The following RASEF variants were observed in gnomAD, a reference collection of about 807,000 sequenced individuals.
RASEF encodes the protein RAS and EF-hand domain containing, also known as ras and EF-hand domain-containing protein.
A neutral mutation model predicts 90.1 loss-of-function variants in RASEF; 68 were observed. The ratio of observed to expected loss-of-function variants is 0.75; its 90% confidence interval spans 0.62 to 0.92. The LOEUF is 0.92. Among genes scored for constraint, RASEF ranks in the 40% least tolerant of loss-of-function variants. The probability of loss-of-function intolerance (pLI) is 0.00; values close to 1 mark genes in which losing one functional copy is unlikely to be tolerated. For synonymous variants in RASEF, 331 were observed against 345.2 expected (o/e 0.96, Z 0.46); for missense variants, 949 against 937.2 (o/e 1.01, Z -0.16).
chr9:83,144,467 A>G, the RASEF span, among the ~76,000 whole-genome samples: 2 of 105,654 alleles, frequency 1.9e-5, no homozygotes, highest in Non-Finnish European at 4.7e-5. Flanking sequence ...GAGAAGAGAA[A>G]AGAAAAGAAG....
chr9:83,049,528 CCT>C (rs1491479439), intron 1 of RASEF, among the ~76,000 whole-genome samples: 4 of 73,520 alleles, frequency 5.4e-5, no homozygotes, highest in East Asian at 4.4e-4. Flanking sequence ...TTTCTGCCTT[CCT>C]TTTTTTTTTT....
the RASEF span, among the ~76,000 whole-genome samples, chr9:83,188,115 C>G: frequency 6.6e-6 from 1 of 152,236 alleles, no homozygotes; most frequent in Non-Finnish European, 1.5e-5. Flanking sequence ...ACTTGTGCCT[C>G]CATTCATTGA....
At chr9:83,089,030 T>TAGTCTAC in the RASEF span, among the ~76,000 whole-genome samples, 1 of 152,100 alleles carries the variant, frequency 6.6e-6, no homozygotes, top group South Asian at 2.1e-4. Context: ...AGATATTTTC[T>TAGTCTAC]AGTCTACCAT....
At chr9:82,992,790 G>A (rs531697206) in intron 15 of RASEF, 116 bp downstream of exon 15, 22 of 1,030,522 alleles carry the variant, frequency 2.1e-5, no homozygotes, top group East Asian at 1.4e-4. Context: ...TGCCTCAGAC[G>A]GGGGAGGTTT....
the RASEF span, among the ~76,000 whole-genome samples, chr9:83,187,037 G>A: frequency 6.6e-6 from 1 of 152,118 alleles, no homozygotes; most frequent in East Asian, 1.9e-4. Flanking sequence ...ATCATCCCAG[G>A]GCCAGGCACC....
the RASEF span, among the ~76,000 whole-genome samples, chr9:83,070,466 C>G: frequency 3.3e-5 from 5 of 152,058 alleles, no homozygotes; most frequent in Non-Finnish European, 7.4e-5. Flanking sequence ...CATTACATTC[C>G]TTTCTATTGA....
chr9:83,202,298 G>A, the RASEF span, among the ~76,000 whole-genome samples: 2 of 152,278 alleles, frequency 1.3e-5, no homozygotes, highest in Middle Eastern at 3.4e-3. Context: ...CAGCTGCAAT[G>A]ACTCAGAGAT....
the RASEF span, among the ~76,000 whole-genome samples, chr9:83,112,418 C>T: frequency 3.3e-5 from 5 of 152,208 alleles, no homozygotes. Context: ...AGCGCGGCGG[C>T]TCACGCCTGT....
chr9:83,132,621 C>A, the RASEF span, among the ~76,000 whole-genome samples: 1 of 152,142 alleles, frequency 6.6e-6, no homozygotes, highest in Non-Finnish European at 1.5e-5. Context: ...TAGATTTTTG[C>A]TTTCCCCTTC....
chr9:83,144,990 A>G, the RASEF span, among the ~76,000 whole-genome samples: 3 of 152,166 alleles, frequency 2.0e-5, no homozygotes, highest in East Asian at 3.8e-4. Flanking sequence ...ATTCTCATAA[A>G]CATCTCTAGT....
At chr9:83,009,396 C>T (rs763557864) in intron 6 of RASEF, among the ~76,000 whole-genome samples, 3 of 152,088 alleles carry the variant, frequency 2.0e-5, no homozygotes, top group Non-Finnish European at 2.9e-5. Flanking sequence ...TTTTAGCTCC[C>T]AGTTAATTCA....
At chr9:83,210,064 G>A in the RASEF span, among the ~76,000 whole-genome samples, 1 of 152,174 alleles carries the variant, frequency 6.6e-6, no homozygotes, top group Non-Finnish European at 1.5e-5. Context: ...TGTCTGTTCT[G>A]GAAGTAACAG....
At chr9:83,001,194 T>G in intron 9 of RASEF, 64 bp from the exon 10 acceptor site, 1 of 1,145,024 alleles carries the variant, frequency 8.7e-7, no homozygotes, top group Non-Finnish European at 1.3e-6. Flanking sequence ...ATACAGGCAA[T>G]AGACCACATG....
chr9:83,129,518 GTATT>G, the RASEF span, among the ~76,000 whole-genome samples: 13 of 152,084 alleles, frequency 8.5e-5, no homozygotes. Context: ...TAAATAGAGA[GTATT>G]TATTTCTAAC....
the RASEF span, among the ~76,000 whole-genome samples, chr9:83,219,131 A>G: frequency 1.3e-5 from 2 of 152,240 alleles, no homozygotes; most frequent in African/African-American, 4.8e-5. Context: ...AATAAATAAT[A>G]ATAATAATAA....
At chr9:83,184,980 T>C in the RASEF span, among the ~76,000 whole-genome samples, 4 of 152,124 alleles carry the variant, frequency 2.6e-5, no homozygotes, top group Admixed American at 6.5e-5. Flanking sequence ...ACCCAGGCTC[T>C]GCCCCAGACC....
At chr9:83,154,953 G>A in the RASEF span, among the ~76,000 whole-genome samples, 5 of 152,192 alleles carry the variant, frequency 3.3e-5, no homozygotes, top group African/African-American at 9.6e-5. Context: ...AGATCACACC[G>A]AAAGGAGGTA....
chr9:83,113,098 G>A, the RASEF span, among the ~76,000 whole-genome samples: 1 of 152,090 alleles, frequency 6.6e-6, no homozygotes, highest in Non-Finnish European at 1.5e-5. Flanking sequence ...AGGAAGTCAG[G>A]GACCCTGAAC....
intron 16 of RASEF, among the ~76,000 whole-genome samples, chr9:82,983,649 G>A (rs1408450871): frequency 6.6e-6 from 1 of 152,162 alleles, no homozygotes; most frequent in Non-Finnish European, 1.5e-5. Flanking sequence ...CTACCCTCTT[G>A]GTCAGAGCTG....
Sources: allele counts gnomAD v4.1 joint callset (sites outside exome capture counted in the v4.1 genomes callset), GRCh38; gene constraint gnomAD v4.1.1; transcripts MANE v1.5; gene names NCBI Gene and HGNC (gene_info 2026-07-23, HGNC 2026-07-21).